Variants in CNTNAP2 observed in about 807,000 individuals in gnomAD.
CNTNAP2 encodes the protein contactin-associated protein-like 2.
CNTNAP2 carries 98 observed loss-of-function variants against 155.2 expected under a neutral mutation model. The observed-to-expected ratio is 0.63, with a 90% CI of 0.54 to 0.75. The LOEUF (loss-of-function observed/expected upper bound fraction) is 0.75. CNTNAP2 is among the 30% of genes least tolerant of loss of function. The pLI is 0.00. For missense variants in CNTNAP2, 1,727 were observed against 1,688.1 expected (o/e 1.02, Z -0.40); for synonymous variants, 651 against 631.2 (o/e 1.03, Z -0.47).
rs947766778 is a variant in CNTNAP2, at chr7:147,610,582, G to A, written c.1898-28524G>A. On this transcript the variant is annotated intron_variant, in intron 12 of 23. Coordinates refer to ENST00000361727, the MANE Select transcript of CNTNAP2 (RefSeq NM_014141.6). ...GCAGAGTGGGTTATATGTTTAAACA[G>A]GACAGTTGGGTGGGCCTCAGTGAGG... is the stretch of plus-strand genomic sequence containing the variant. 3.9e-5 allele frequency among the ~76,000 whole-genome samples: 6 copies of A among 152,148 alleles called. No individual in the cohort carries two copies. The South Asian group carries it at 1.2e-3, about 32-fold the overall frequency.
At chr7:148,139,975 A>G (rs535482341) in intron 16 of CNTNAP2, among the ~76,000 whole-genome samples, 1 of 152,202 alleles carries the variant, frequency 6.6e-6, no homozygotes, top group East Asian at 1.9e-4. Context: ...AAGTTCCCCA[A>G]ACCACCCCCA....
rs563493891 is a variant in CNTNAP2, at chr7:147,158,109, C to T, written c.1348+25600C>T. On this transcript the variant is annotated intron_variant, in intron 8 of 23. Transcript: ENST00000361727. ...TCTCGTTTCTTTGAGTTCACTCTGACATTGTCTTCTGTTTCCCTGTTTCCC... is the reference window on the plus strand; with the variant it reads ...TCTCGTTTCTTTGAGTTCACTCTGATATTGTCTTCTGTTTCCCTGTTTCCC... 7.2e-5 allele frequency among the ~76,000 whole-genome samples: 11 copies of T among 152,190 alleles called. No homozygotes were observed. The South Asian group carries it at 2.3e-3, about 32-fold the overall frequency.
chr7:146,243,729 GATT>G (rs1367241529), intron 1 of CNTNAP2, among the ~76,000 whole-genome samples: 1 of 152,064 alleles, frequency 6.6e-6, no homozygotes, highest in Non-Finnish European at 1.5e-5. Context: ...CTCTGAATGG[GATT>G]ATTAATATGA....
chr7:148,285,908 C>G (rs1020120127), intron 21 of CNTNAP2, among the ~76,000 whole-genome samples: 7 of 152,172 alleles, frequency 4.6e-5, no homozygotes, highest in Non-Finnish European at 1.0e-4. Flanking sequence ...CAATAGCTTA[C>G]TGTTGACCAG....
chr7:146,192,230 A>G (rs1798716524), intron 1 of CNTNAP2, among the ~76,000 whole-genome samples: 1 of 152,058 alleles, frequency 6.6e-6, no homozygotes, highest in Non-Finnish European at 1.5e-5. Context: ...TAAAATATAG[A>G]TTTTTCTCTT....
chr7:147,216,859 T>A (rs1166961867), intron 8 of CNTNAP2, among the ~76,000 whole-genome samples: 6 of 152,080 alleles, frequency 3.9e-5, no homozygotes, highest in Admixed American at 1.3e-4. Context: ...ATTTCTTTCA[T>A]CAGAATTTTG....
chr7:147,756,280 A>G (rs1196277246), intron 13 of CNTNAP2, among the ~76,000 whole-genome samples: 2 of 152,218 alleles, frequency 1.3e-5, no homozygotes. Context: ...GCTAACAAAT[A>G]TGTTTTCTGA....
chr7:148,146,997 T>C (rs1244963342), intron 16 of CNTNAP2, among the ~76,000 whole-genome samples: 2 of 152,084 alleles, frequency 1.3e-5, no homozygotes, highest in African/African-American at 4.8e-5. Flanking sequence ...ACCAACTGAG[T>C]CCAAATCTCT....
At chr7:147,369,573 AT>A (rs1273297294) in intron 9 of CNTNAP2, among the ~76,000 whole-genome samples, 1 of 152,218 alleles carries the variant, frequency 6.6e-6, no homozygotes, top group Non-Finnish European at 1.5e-5. Context: ...AAAGGGCCTA[AT>A]AAATATTCTC....
intron 12 of CNTNAP2, among the ~76,000 whole-genome samples, chr7:147,577,765 A>G (rs1367632171): frequency 6.6e-6 from 1 of 152,020 alleles, no homozygotes; most frequent in Non-Finnish European, 1.5e-5. Context: ...ATCATCTGCA[A>G]ACAAATATAA....
intron 11 of CNTNAP2, among the ~76,000 whole-genome samples, chr7:147,533,795 A>G (rs1799488008): frequency 6.6e-6 from 1 of 152,142 alleles, no homozygotes; most frequent in Admixed American, 6.5e-5. Context: ...AGTTTTAACT[A>G]TACTCACAAT....
At chr7:147,224,008 C>A (rs986584237) in intron 8 of CNTNAP2, among the ~76,000 whole-genome samples, 6 of 148,466 alleles carry the variant, frequency 4.0e-5, no homozygotes, top group Non-Finnish European at 8.9e-5. Context: ...AGCAAGAAAT[C>A]AAAGAGAGTT....
chr7:146,468,878 G>A (rs1044822938), intron 1 of CNTNAP2, among the ~76,000 whole-genome samples: 4 of 152,104 alleles, frequency 2.6e-5, no homozygotes, highest in Admixed American at 6.5e-5. Context: ...CAAATTAAAT[G>A]TTAGTCTCTA....
At chr7:146,367,229 C>T (rs1338994305) in intron 1 of CNTNAP2, among the ~76,000 whole-genome samples, 3 of 152,074 alleles carry the variant, frequency 2.0e-5, no homozygotes, top group East Asian at 1.9e-4. Flanking sequence ...TTATACACAT[C>T]GCCTAATTTA....
At chr7:148,020,699 A>G (rs1052036603) in intron 15 of CNTNAP2, among the ~76,000 whole-genome samples, 1 of 152,248 alleles carries the variant, frequency 6.6e-6, no homozygotes, top group Non-Finnish European at 1.5e-5. Context: ...CCTTAAAACC[A>G]TAGAATCTGG....
In CNTNAP2 at chr7:147,350,183, GT is replaced by G. The variant is rs1297186208; in HGVS notation, c.1499-45425del. On this transcript the variant is annotated intron_variant, in intron 9 of 23. Coordinates refer to ENST00000361727, the MANE Select transcript of CNTNAP2 (RefSeq NM_014141.6). ...TTTACACGTTTGTTATTTAGTAAAA[GT>G]CAATATATTTCTAAAGACTTGAATA... Among the ~76,000 whole-genome samples, 2 of 151,816 alleles carry G rather than the reference GT, an allele frequency of 1.3e-5. 1 individual carries two copies. Among genetic ancestry groups the G allele is most frequent in the South Asian group, 4.1e-4 (2 of 4,830 alleles).
chr7:148,198,975 A>G (rs547034234), intron 18 of CNTNAP2, among the ~76,000 whole-genome samples: 14 of 151,862 alleles, frequency 9.2e-5, no homozygotes, highest in Non-Finnish European at 2.1e-4. Flanking sequence ...AGAGAAGAAA[A>G]TAGGGTGAGA....
At chr7:147,829,390 T>TTAAG (rs747141177) in intron 13 of CNTNAP2, among the ~76,000 whole-genome samples, 2 of 152,234 alleles carry the variant, frequency 1.3e-5, no homozygotes, top group Non-Finnish European at 2.9e-5. Flanking sequence ...AAAGTCTTGA[T>TTAAG]TAAGTGTCAA....
In CNTNAP2 at chr7:148,251,948, T is replaced by C. The variant is rs114143183; in HGVS notation, c.3382-15085T>C. Among the ~76,000 whole-genome samples, 821 of 152,322 alleles carry C rather than the reference T, an allele frequency of 5.4e-3. 11 individuals carry two copies. The highest frequency in any genetic ancestry group is 0.019 in the African/African-American group (789 of 41,562). On this transcript the variant is annotated intron_variant, in intron 20 of 23. Transcript: ENST00000361727. ...CCACAGCCACCAACACAGGAGCCTG[T>C]AGGGCACAGTCAGAATCCATCTTCT...
Sources: gnomAD v4.1 joint callset for allele counts (sites outside exome capture counted in the v4.1 genomes callset) on GRCh38, gnomAD v4.1.1 for gene constraint, MANE v1.5 for transcripts, NCBI Gene and HGNC (gene_info 2026-07-23, HGNC 2026-07-21) for gene names.